Variants in SLC24A3 observed in about 807,000 individuals in gnomAD.
SLC24A3 encodes the protein sodium/potassium/calcium exchanger 3.
Under a neutral mutation model 75.8 loss-of-function variants are expected in SLC24A3, and 28 were observed. That is an observed-to-expected ratio of 0.37 (90% CI 0.27 to 0.51). The LOEUF (loss-of-function observed/expected upper bound fraction) is 0.51, where lower values mean the gene tolerates loss of function less well. SLC24A3 is among the 20% of genes least tolerant of loss of function. The probability of loss-of-function intolerance (pLI) is 0.94; values close to 1 mark genes in which losing one functional copy is unlikely to be tolerated. For synonymous variants in SLC24A3, 372 were observed against 334.1 expected, an observed-to-expected ratio of 1.11 and a Z score of -1.24; for missense variants, 663 against 847.8, an observed-to-expected ratio of 0.78 and a Z score of 2.71.
chr20:19,256,626 G>A (rs1012627031), intron 1 of SLC24A3, among the ~76,000 whole-genome samples: 4 of 151,772 alleles, frequency 2.6e-5, no homozygotes, highest in South Asian at 4.2e-4. Flanking sequence ...AAAATTAGCC[G>A]GGCATGGTGG....
intron 2 of SLC24A3, among the ~76,000 whole-genome samples, chr20:19,484,852 A>G (rs908655535): frequency 6.6e-6 from 1 of 152,230 alleles, no homozygotes; most frequent in Admixed American, 6.5e-5. Flanking sequence ...CATTTTTACC[A>G]CAATTAAAAC....
At chr20:19,223,934 G>C (rs771750782) in intron 1 of SLC24A3, among the ~76,000 whole-genome samples, 5 of 152,260 alleles carry the variant, frequency 3.3e-5, no homozygotes, top group African/African-American at 9.6e-5. Context: ...AGGCGGGACA[G>C]AGCATGACAA....
At chr20:19,662,335 C>A (rs2032336056) in intron 7 of SLC24A3, among the ~76,000 whole-genome samples, 1 of 152,232 alleles carries the variant, frequency 6.6e-6, no homozygotes. Context: ...CCGTCAAGTG[C>A]AACTCATCGT....
intron 4 of SLC24A3, among the ~76,000 whole-genome samples, chr20:19,583,969 C>T (rs2031258538): frequency 6.6e-6 from 1 of 152,172 alleles, no homozygotes; most frequent in Non-Finnish European, 1.5e-5. Context: ...GGCCAGTGAC[C>T]TACATCAGGG....
chr20:19,636,364 G>A (rs974854645), intron 6 of SLC24A3, among the ~76,000 whole-genome samples: 4 of 152,098 alleles, frequency 2.6e-5, no homozygotes, highest in Admixed American at 1.3e-4. Context: ...GGATCAGTTG[G>A]TCCTTGCTCA....
At chr20:19,651,805 G>A (rs2032208301) in intron 6 of SLC24A3, among the ~76,000 whole-genome samples, 1 of 147,972 alleles carries the variant, frequency 6.8e-6, no homozygotes, top group Admixed American at 6.9e-5. Flanking sequence ...AGCTTGCAGT[G>A]AGCCAAGATC....
chr20:19,645,194 A>G (rs1211002238), intron 6 of SLC24A3, among the ~76,000 whole-genome samples: 1 of 152,232 alleles, frequency 6.6e-6, no homozygotes, highest in Non-Finnish European at 1.5e-5. Flanking sequence ...ATTTCAATAA[A>G]TCAGTTTCCT....
intron 2 of SLC24A3, among the ~76,000 whole-genome samples, chr20:19,299,527 T>C (rs942336403): frequency 1.3e-5 from 2 of 152,170 alleles, no homozygotes; most frequent in Non-Finnish European, 2.9e-5. Context: ...TTGCCAAAAC[T>C]CCTTGTACAA....
chr20:19,339,135 T>G (rs528466038), intron 2 of SLC24A3, among the ~76,000 whole-genome samples: 2 of 152,036 alleles, frequency 1.3e-5, no homozygotes, highest in African/African-American at 4.8e-5. Context: ...TGTAATTAAT[T>G]TGAATGCTTC....
At chr20:19,421,881 C>G (rs545293497) in intron 2 of SLC24A3, among the ~76,000 whole-genome samples, 1 of 152,172 alleles carries the variant, frequency 6.6e-6, no homozygotes, top group Non-Finnish European at 1.5e-5. Context: ...GTGGCACAGG[C>G]TGGTTAGAGT....
intron 12 of SLC24A3, among the ~76,000 whole-genome samples, chr20:19,692,448 A>G (rs117713601): frequency 0.025 from 3,773 of 152,352 alleles, 64 homozygotes; most frequent in South Asian, 0.068. Flanking sequence ...ACAGCAATTA[A>G]AAGGAATGGA....
intron 3 of SLC24A3, among the ~76,000 whole-genome samples, chr20:19,546,172 A>AAACAAAAAAC (rs1568651693): frequency 6.7e-6 from 1 of 148,880 alleles, no homozygotes; most frequent in Non-Finnish European, 1.5e-5. Flanking sequence ...AAAAAAAAAA[A>AAACAAAAAAC]AAAAAAAAAA....
rs1156281355 is a variant in SLC24A3 at position 19,685,105 on chromosome 20, A to C, written c.1068A>C (p.Gln356His). Residue 356 changes from glutamine (Q) to histidine (H), a missense_variant, in exon 12 of 17, where the codon CAA (glutamine) becomes CAC (histidine). Around this residue, in one of 2 missense-constraint regions of SLC24A3, gnomAD observed 510 missense variants for 703.6 expected, o/e 0.72. Transcript: ENST00000328041. ...GTGCGCCTTTCTCTTTCCAGAGACA[A>C]AGATTGATAAACAGCAGGGCTTATA... Reference protein sequence around the residue: ...MASRMLINERQRLINSRAYTN... With the variant: ...MASRMLINERHRLINSRAYTN... 6.2e-7 allele frequency: 1 copy of C among 1,603,040 alleles called. No individual in the cohort carries two copies. Among genetic ancestry groups the C allele is most frequent in the Non-Finnish European group, 8.5e-7 (1 of 1,172,122 alleles).
chr20:19,434,393 T>G (rs73900116), intron 2 of SLC24A3, among the ~76,000 whole-genome samples: 4,163 of 152,246 alleles, frequency 0.027, 164 homozygotes, highest in East Asian at 0.1. Context: ...TCTGAGCACA[T>G]GGTGGGAACA....
chr20:19,362,099 T>C (rs1221064074), intron 2 of SLC24A3, among the ~76,000 whole-genome samples: 1 of 152,204 alleles, frequency 6.6e-6, no homozygotes, highest in East Asian at 1.9e-4. Flanking sequence ...CCATTAAAAA[T>C]AACTGCATTA....
At chr20:19,221,812 G>A (rs1370483046) in intron 1 of SLC24A3, among the ~76,000 whole-genome samples, 2 of 152,040 alleles carry the variant, frequency 1.3e-5, no homozygotes, top group Non-Finnish European at 1.5e-5. Flanking sequence ...CTTCAATCAC[G>A]TCACAATTAT....
chr20:19,719,339 A>G (rs1364373679), intron 16 of SLC24A3, among the ~76,000 whole-genome samples: 1 of 152,214 alleles, frequency 6.6e-6, no homozygotes, highest in Non-Finnish European at 1.5e-5. Context: ...TGAATAAGAT[A>G]ACAGAATCTT....
chr20:19,605,762 C>G (rs868367036), intron 6 of SLC24A3, among the ~76,000 whole-genome samples: 31 of 152,212 alleles, frequency 2.0e-4, no homozygotes, highest in Middle Eastern at 6.8e-3. Context: ...ACGTGCCAAA[C>G]CAAAAGAAAA....
chr20:19,581,759 G>A (rs1190146930), intron 4 of SLC24A3, among the ~76,000 whole-genome samples: 2 of 152,180 alleles, frequency 1.3e-5, no homozygotes, highest in African/African-American at 4.8e-5. Context: ...AAGGGATAGA[G>A]TCACTATTTG....
Sources: gnomAD v4.1 joint callset for allele counts (sites outside exome capture counted in the v4.1 genomes callset) on GRCh38, gnomAD v4.1.1 for gene constraint, gnomAD v4.1.1 regional missense constraint, MANE v1.5 for transcripts, NCBI Gene and HGNC (gene_info 2026-07-23, HGNC 2026-07-21) for gene names.